TMEM233: variants seen among roughly 807,000 people sequenced by gnomAD.
TMEM233 encodes transmembrane protein 233, also known as dispanin subfamily B member 2.
A neutral mutation model predicts 11.2 loss-of-function variants in TMEM233; 6 were observed. The observed-to-expected ratio is 0.54, with a 90% CI of 0.29 to 1.06. The LOEUF (loss-of-function observed/expected upper bound fraction) is 1.06. Among genes scored for constraint, TMEM233 ranks in the 50% least tolerant of loss-of-function variants. TMEM233 has a pLI of 0.08. For synonymous variants in TMEM233, 59 were observed against 55.8 expected, an observed-to-expected ratio of 1.06 and a Z score of -0.26; for missense variants, 127 against 144.7, an observed-to-expected ratio of 0.88 and a Z score of 0.63.
chr12:119,640,190 A>T (rs889238898), intron 2 of TMEM233, among the ~76,000 whole-genome samples: 7 of 151,996 alleles, frequency 4.6e-5, no homozygotes, highest in African/African-American at 1.7e-4. Flanking sequence ...AGTCTTGCTC[A>T]GTCGCCCAGG....
chr12:119,593,817 C>T lies in TMEM233; in HGVS notation c.-32C>T, dbSNP rs1953965039. 6.5e-7 allele frequency: 1 copy of T among 1,547,352 alleles called. No individual in the cohort carries two copies. Among genetic ancestry groups the T allele is most frequent in the Non-Finnish European group, 8.7e-7 (1 of 1,144,336 alleles). ...CCCCAGACCACACAGACCGTGCGCT[C>T]CTCCGCCCTCCCGGCGCCGCCGGCC... On this transcript the variant is annotated 5_prime_UTR_variant, in exon 1 of 3. Transcript: ENST00000426426. This position sits in a 1 kb window ranked among gnomAD's most constrained non-coding sequence, Gnocchi z 4.1.
chr12:119,602,510 G>A (rs1190216525), intron 1 of TMEM233, among the ~76,000 whole-genome samples: 1 of 152,194 alleles, frequency 6.6e-6, no homozygotes, highest in Non-Finnish European at 1.5e-5. Flanking sequence ...GGTTCCAGAT[G>A]ATGAAGACCC....
intron 1 of TMEM233, among the ~76,000 whole-genome samples, chr12:119,603,631 T>G (rs1954210493): frequency 6.6e-6 from 1 of 152,152 alleles, no homozygotes; most frequent in Non-Finnish European, 1.5e-5. Context: ...TTTGATTGCC[T>G]CCTCTCTTTC....
At chr12:119,651,397 T>C in the TMEM233 span, among the ~76,000 whole-genome samples, 55 of 152,328 alleles carry the variant, frequency 3.6e-4, no homozygotes, top group African/African-American at 1.1e-3. Flanking sequence ...AGCCCCACTG[T>C]ATTCTTACTG....
intron 1 of TMEM233, among the ~76,000 whole-genome samples, chr12:119,601,752 G>A (rs2519536): frequency 0.83 from 126,314 of 151,732 alleles, 52,645 homozygotes; most frequent in Middle Eastern, 0.9. Flanking sequence ...CTAAATAATC[G>A]TTCAAGGGAG....
chr12:119,643,767 CAA>C (rs113473098), downstream of TMEM233, among the ~76,000 whole-genome samples: 11 of 119,494 alleles, frequency 9.2e-5, no homozygotes, highest in African/African-American at 1.2e-4. Flanking sequence ...GATTCCGTAT[CAA>C]AAAAAAAAAA....
At chr12:119,616,879 GC>G (rs1381640457) in intron 1 of TMEM233, among the ~76,000 whole-genome samples, 2 of 152,124 alleles carry the variant, frequency 1.3e-5, no homozygotes, top group Non-Finnish European at 2.9e-5. Context: ...TTTCTCTCTT[GC>G]CACCATGTGA....
At chr12:119,645,559 T>G (rs1288261904), downstream of TMEM233, among the ~76,000 whole-genome samples, 1 of 152,146 alleles carries the variant, frequency 6.6e-6, no homozygotes, top group Non-Finnish European at 1.5e-5. Flanking sequence ...AGGAATTCCC[T>G]TTCCAATACA....
intron 2 of TMEM233, among the ~76,000 whole-genome samples, chr12:119,636,108 G>A (rs527458171): frequency 6.6e-6 from 1 of 152,194 alleles, no homozygotes; most frequent in South Asian, 2.1e-4. Context: ...CAGGGGGTGG[G>A]ACTGGAAGTT....
rs1297464562 is a variant in TMEM233, at chr12:119,595,109, G to A, written c.186+1075G>A. Among the ~76,000 whole-genome samples, 20 of 152,190 alleles carry A rather than the reference G, an allele frequency of 1.3e-4. No homozygotes were observed. On this transcript the variant is annotated intron_variant, in intron 1 of 2. Coordinates refer to ENST00000426426, the MANE Select transcript of TMEM233 (RefSeq NM_001136534.3). The surrounding 1 kb of genome is among the most constrained non-coding windows in gnomAD (Gnocchi z 4.3). ...TCCCTAGCCCTCTTCAACCCTGGTA[G>A]GAACACCCGAGCGAACCCCACCAGG...
At chr12:119,653,331 G>A in the TMEM233 span, among the ~76,000 whole-genome samples, 2 of 144,752 alleles carry the variant, frequency 1.4e-5, no homozygotes, top group Non-Finnish European at 3.0e-5. Flanking sequence ...GGCAGAGGTT[G>A]CAGTGAGCCG....
At chr12:119,629,589 C>A in intron 1 of TMEM233, 147 bp from the exon 2 acceptor site, 1 of 717,260 alleles carries the variant, frequency 1.4e-6, no homozygotes. Context: ...GAGGGGATGA[C>A]TGTGTTGTTT....
intron 1 of TMEM233, among the ~76,000 whole-genome samples, chr12:119,604,820 A>G (rs577333499): frequency 2.0e-5 from 3 of 151,952 alleles, no homozygotes; most frequent in Admixed American, 6.5e-5. Flanking sequence ...ATTTTTTAGA[A>G]ACAGGGTCTC....
At chr12:119,603,138 G>C (rs1954200303) in intron 1 of TMEM233, among the ~76,000 whole-genome samples, 1 of 152,192 alleles carries the variant, frequency 6.6e-6, no homozygotes, top group Non-Finnish European at 1.5e-5. Context: ...GGGCACAGCA[G>C]TGAGTGCCTG....
At position 119,594,307 on chromosome 12, in the gene TMEM233, C is replaced by T. The variant is rs1401362821; in HGVS notation, c.186+273C>T. The T allele has an allele frequency of 2.6e-5, 11 of 430,760 alleles. No individual in the cohort carries two copies. The highest frequency in any genetic ancestry group is 4.2e-5 in the Non-Finnish European group (10 of 240,710). The allele number at this position is 430,760 out of a possible 1,614,324, so 26.7% of individuals were successfully genotyped here. On this transcript the variant is annotated intron_variant, in intron 1 of 2. Coordinates refer to ENST00000426426, the MANE Select transcript of TMEM233 (RefSeq NM_001136534.3). The surrounding 1 kb of genome is among the most constrained non-coding windows in gnomAD (Gnocchi z 5.6). Reference sequence around the variant, plus strand: ...CCTCTTCTTTCCAGCTCCCAGGGTGCGTTTCCTCTCCAACCCGGGGAAGTT... The same window carrying T: ...CCTCTTCTTTCCAGCTCCCAGGGTGTGTTTCCTCTCCAACCCGGGGAAGTT...
At chr12:119,647,357 CTTG>C (rs1304419578), downstream of TMEM233, among the ~76,000 whole-genome samples, 1 of 152,208 alleles carries the variant, frequency 6.6e-6, no homozygotes, top group Non-Finnish European at 1.5e-5. Flanking sequence ...AGCATTTGCC[CTTG>C]TTGACCAGTG....
intron 1 of TMEM233, among the ~76,000 whole-genome samples, chr12:119,626,537 G>GATA (rs144183823): frequency 2.8e-5 from 1 of 36,332 alleles, no homozygotes; most frequent in African/African-American, 9.2e-5. Context: ...GAAGGGAGAA[G>GATA]GGAGAAGAGA....
chr12:119,617,087 C>T (rs544061921), intron 1 of TMEM233, among the ~76,000 whole-genome samples: 1 of 151,986 alleles, frequency 6.6e-6, no homozygotes, highest in Admixed American at 6.6e-5. Context: ...TATAAAGATA[C>T]CAGAAAATGT....
At chr12:119,647,273 CA>C (rs1308572155), downstream of TMEM233, among the ~76,000 whole-genome samples, 1 of 152,168 alleles carries the variant, frequency 6.6e-6, no homozygotes, top group Non-Finnish European at 1.5e-5. Context: ...CTTTAACCCC[CA>C]ATCACAAAAT....
Sources: gnomAD v4.1 joint callset for allele counts (sites outside exome capture counted in the v4.1 genomes callset) on GRCh38, gnomAD v4.1.1 for gene constraint, Gnocchi (gnomAD v3.1) non-coding constraint, MANE v1.5 for transcripts, NCBI Gene and HGNC (gene_info 2026-07-23, HGNC 2026-07-21) for gene names.